The following EPHA6 variants were observed in gnomAD, a reference collection of about 807,000 sequenced individuals.
EPHA6 encodes ephrin type-A receptor 6.
In EPHA6, 50 loss-of-function variants were observed where a neutral mutation model predicts 112.0. The observed-to-expected ratio is 0.45, with a 90% CI of 0.36 to 0.56. The LOEUF (loss-of-function observed/expected upper bound fraction) is 0.56, where lower values mean the gene tolerates loss of function less well. Ranked by LOEUF, EPHA6 falls within the 20% of genes least tolerant of loss-of-function variation. The pLI is 0.00. For synonymous variants in EPHA6, 529 were observed against 490.7 expected (o/e 1.08, Z -1.03); for missense variants, 1,280 against 1,417.4 (o/e 0.90, Z 1.56).
intron 2 of EPHA6, among the ~76,000 whole-genome samples, chr3:96,922,789 G>A (rs960795146): frequency 8.5e-5 from 13 of 152,158 alleles, no homozygotes; most frequent in African/African-American, 3.1e-4. Flanking sequence ...TATTCTTCCT[G>A]ATGCTCTCTA....
chr3:97,459,612 C>T (rs1048164795), intron 7 of EPHA6, among the ~76,000 whole-genome samples: 2 of 152,186 alleles, frequency 1.3e-5, no homozygotes, highest in Admixed American at 6.5e-5. Context: ...AATCCAGTCA[C>T]AGCAGTGAGC....
At chr3:97,202,740 AAC>A (rs1176214389) in intron 3 of EPHA6, among the ~76,000 whole-genome samples, 1 of 152,178 alleles carries the variant, frequency 6.6e-6, no homozygotes, top group African/African-American at 2.4e-5. Flanking sequence ...CAATTCAACA[AAC>A]ACTTTCTGAG....
intron 12 of EPHA6, among the ~76,000 whole-genome samples, chr3:97,600,691 C>A (rs985937316): frequency 2.0e-5 from 3 of 151,708 alleles, no homozygotes; most frequent in Non-Finnish European, 2.9e-5. Context: ...CTCTGGACAT[C>A]CTAAAGTTTG....
chr3:97,695,813 A>G (rs1363668131), intron 14 of EPHA6, among the ~76,000 whole-genome samples: 1 of 152,226 alleles, frequency 6.6e-6, no homozygotes. Flanking sequence ...TGCTGGGATT[A>G]CAGGCATGAG....
At chr3:96,863,322 A>G (rs929523115) in intron 1 of EPHA6, among the ~76,000 whole-genome samples, 1 of 151,982 alleles carries the variant, frequency 6.6e-6, no homozygotes, top group African/African-American at 2.4e-5. Context: ...GTTTGGAGCC[A>G]GCAGGAGGAG....
chr3:96,879,599 C>T (rs2037186893), intron 2 of EPHA6, among the ~76,000 whole-genome samples: 1 of 151,986 alleles, frequency 6.6e-6, no homozygotes, highest in East Asian at 1.9e-4. Flanking sequence ...TTGCTTTTGG[C>T]AGTATGATTA....
At chr3:96,907,719 C>T (rs956749016) in intron 2 of EPHA6, among the ~76,000 whole-genome samples, 5 of 151,526 alleles carry the variant, frequency 3.3e-5, no homozygotes, top group African/African-American at 1.2e-4. Flanking sequence ...GTAGCATCTC[C>T]CCAAAATCAT....
chr3:97,393,408 C>T (rs16838606), intron 5 of EPHA6, among the ~76,000 whole-genome samples: 3,818 of 151,888 alleles, frequency 0.025, 152 homozygotes, highest in African/African-American at 0.082. Context: ...ACAAGCTTAA[C>T]AGTGAGCACG....
At chr3:97,601,716 G>A (rs984815019) in intron 12 of EPHA6, among the ~76,000 whole-genome samples, 11 of 151,846 alleles carry the variant, frequency 7.2e-5, no homozygotes, top group African/African-American at 2.7e-4. Context: ...TGGGGGTGGG[G>A]GGAAGGAAAG....
chr3:97,161,705 A>T (rs937359758), intron 3 of EPHA6, among the ~76,000 whole-genome samples: 2 of 152,128 alleles, frequency 1.3e-5, no homozygotes, highest in African/African-American at 2.4e-5. Context: ...AACCACTGGC[A>T]GAAAAAAAAA....
chr3:97,412,508 T>C lies in EPHA6; in HGVS notation c.1731+7234T>C, dbSNP rs533808493. 9.2e-5 allele frequency among the ~76,000 whole-genome samples: 14 copies of C among 152,206 alleles called. 1 individual carries two copies. The South Asian group carries it at 2.7e-3, about 29-fold the overall frequency. ...AATAATCTAAGTTGTTATCCAATTC[T>C]GAACTTCCATGACTGCAGAAGCTTA... On this transcript the variant is annotated intron_variant, in intron 6 of 17. Transcript: ENST00000389672.
At chr3:97,700,942 A>G (rs1009704723) in intron 14 of EPHA6, among the ~76,000 whole-genome samples, 2 of 152,166 alleles carry the variant, frequency 1.3e-5, no homozygotes, top group Non-Finnish European at 2.9e-5. Flanking sequence ...AGGAAGGAAT[A>G]GAATATTAGG....
chr3:97,215,497 G>A (rs1415254408), intron 3 of EPHA6, among the ~76,000 whole-genome samples: 1 of 151,968 alleles, frequency 6.6e-6, no homozygotes, highest in African/African-American at 2.4e-5. Flanking sequence ...TGTAATTCCA[G>A]CTACTCAGGA....
At chr3:97,386,270 C>T (rs1007007021) in intron 5 of EPHA6, among the ~76,000 whole-genome samples, 41 of 152,100 alleles carry the variant, frequency 2.7e-4, no homozygotes, top group Admixed American at 5.2e-4. Context: ...CTCTTTTCTT[C>T]GTAAATTACC....
intron 3 of EPHA6, among the ~76,000 whole-genome samples, chr3:97,075,586 G>A (rs993947461): frequency 8.6e-5 from 13 of 151,956 alleles, no homozygotes; most frequent in African/African-American, 2.9e-4. Flanking sequence ...CATGTATAGA[G>A]GATACATGTA....
intron 5 of EPHA6, among the ~76,000 whole-genome samples, chr3:97,304,597 T>C (rs188497646): frequency 3.9e-5 from 6 of 152,134 alleles, no homozygotes; most frequent in Admixed American, 2.0e-4. Flanking sequence ...ACCACACATC[T>C]ATAGCCATCT....
At chr3:97,103,907 A>G (rs2047484286) in intron 3 of EPHA6, among the ~76,000 whole-genome samples, 1 of 151,808 alleles carries the variant, frequency 6.6e-6, no homozygotes, top group South Asian at 2.1e-4. Context: ...TTTTGAGGGT[A>G]ATTGTGAATG....
At chr3:97,588,986 T>C (rs1490039916) in intron 11 of EPHA6, among the ~76,000 whole-genome samples, 2 of 152,184 alleles carry the variant, frequency 1.3e-5, no homozygotes, top group Non-Finnish European at 2.9e-5. Flanking sequence ...TTAAGGGAGA[T>C]TGCTACAATA....
intron 16 of EPHA6, among the ~76,000 whole-genome samples, chr3:97,740,636 T>G (rs1186944678): frequency 6.6e-6 from 1 of 152,118 alleles, no homozygotes; most frequent in Non-Finnish European, 1.5e-5. Context: ...GAAAAGCCCA[T>G]ACCAATACCA....
Sources: allele counts gnomAD v4.1 joint callset (sites outside exome capture counted in the v4.1 genomes callset), GRCh38; gene constraint gnomAD v4.1.1; transcripts MANE v1.5; gene names NCBI Gene and HGNC (gene_info 2026-07-23, HGNC 2026-07-21).